CDK5RAP2: variants seen among roughly 807,000 people sequenced by gnomAD.
CDK5RAP2 encodes the protein CDK5 regulatory subunit associated protein 2.
A neutral mutation model predicts 232.9 loss-of-function variants in CDK5RAP2; 147 were observed. The observed-to-expected ratio is 0.63, with a 90% confidence interval of 0.55 to 0.72. The LOEUF is 0.72. CDK5RAP2 is among the 30% of genes least tolerant of loss of function. The pLI, the probability that CDK5RAP2 is intolerant of heterozygous loss-of-function variation, is 0.00. For missense variants in CDK5RAP2, 2,195 were observed against 2,231.5 expected (o/e 0.98, Z 0.33); for synonymous variants, 833 against 833.7 (o/e 1.00, Z 0.01).
At chr9:120,540,701 C>T (rs1015905029) in intron 5 of CDK5RAP2, among the ~76,000 whole-genome samples, 9 of 152,202 alleles carry the variant, frequency 5.9e-5, no homozygotes, top group Admixed American at 6.5e-5. Flanking sequence ...TACCTAGCCT[C>T]AGTAAATTAC....
At chr9:120,512,047 A>T (rs1026496565) in intron 12 of CDK5RAP2, among the ~76,000 whole-genome samples, 3 of 151,940 alleles carry the variant, frequency 2.0e-5, no homozygotes, top group Non-Finnish European at 4.4e-5. Context: ...CACAATGTGC[A>T]TTTTTATATA....
rs571910127 is a variant in CDK5RAP2 at position 120,476,464 on chromosome 9, G to A, written c.1727+886C>T. ...GGAGGCGGAGGTGGGTGGATCCTGA[G>A]GTCAGGAGATCAAGACCATCCTGGC... is the stretch of plus-strand genomic sequence containing the variant. On this transcript the variant is annotated intron_variant, in intron 15 of 37. Coordinates refer to ENST00000349780, the MANE Select transcript of CDK5RAP2 (RefSeq NM_018249.6). 5.3e-5 allele frequency among the ~76,000 whole-genome samples: 8 copies of A among 152,106 alleles called. No homozygotes were observed. In the South Asian group the frequency reaches 1.7e-3, roughly 32 times the overall value.
intron 35 of CDK5RAP2, 113 bp from the exon 36 acceptor site, chr9:120,394,751 T>C (rs1233518481): frequency 3.3e-6 from 3 of 912,156 alleles, no homozygotes; most frequent in South Asian, 2.9e-5. Context: ...GCAAAAATAT[T>C]TGAATGGAAA....
intron 28 of CDK5RAP2, among the ~76,000 whole-genome samples, chr9:120,414,301 C>T (rs1364662188): frequency 6.6e-6 from 1 of 152,104 alleles, no homozygotes; most frequent in Non-Finnish European, 1.5e-5. Context: ...GTCCACACTC[C>T]GGCCAGTTCA....
At chr9:120,579,080 T>C (rs1252802392) in intron 1 of CDK5RAP2, among the ~76,000 whole-genome samples, 1 of 152,220 alleles carries the variant, frequency 6.6e-6, no homozygotes, top group Non-Finnish European at 1.5e-5. Flanking sequence ...AGTTGCGCTC[T>C]GTTAGGCCTT....
chr9:120,458,520 C>T lies in CDK5RAP2; in HGVS notation c.2305G>A (p.Glu769Lys). 1 of 1,614,172 alleles carries T rather than the reference C, an allele frequency of 6.2e-7. No individual in the cohort carries two copies. Among genetic ancestry groups the T allele is most frequent in the Non-Finnish European group, 8.5e-7 (1 of 1,179,988 alleles). Residue 769 changes from glutamate (E) to lysine (K), a missense_variant, in exon 20 of 38, where the codon GAA (glutamate) becomes AAA (lysine). By Grantham distance (56) the Glu-to-Lys change is moderately conservative (BLOSUM62 1). Coordinates refer to ENST00000349780, the MANE Select transcript of CDK5RAP2 (RefSeq NM_018249.6). ...CDGAHAPGCL[E>K]EGAFINLLAP... ...AGCAGGTTTATGAATGCACCTTCTTCTAGGCAGCCAGGTGCGTGGGCCCCA... is the reference window on the plus strand; with the variant it reads ...AGCAGGTTTATGAATGCACCTTCTTTTAGGCAGCCAGGTGCGTGGGCCCCA...
chr9:120,520,640 C>T (rs932014988), intron 11 of CDK5RAP2, among the ~76,000 whole-genome samples: 2 of 151,260 alleles, frequency 1.3e-5, no homozygotes, highest in Non-Finnish European at 2.9e-5. Context: ...AAGACTCTGT[C>T]TCAAAAAATA....
chr9:120,406,389 G>C (rs2033440555), intron 32 of CDK5RAP2: 1 of 152,786 alleles, frequency 6.5e-6, no homozygotes, highest in Admixed American at 6.5e-5. Flanking sequence ...GCCACTTTGG[G>C]CAAGCCCCAT....
At chr9:120,421,644 T>C (rs912452704) in intron 26 of CDK5RAP2, among the ~76,000 whole-genome samples, 12 of 152,154 alleles carry the variant, frequency 7.9e-5, no homozygotes, top group Non-Finnish European at 1.5e-4. Flanking sequence ...CTTTAACAAC[T>C]AAATAAAGGA....
chr9:120,468,055 G>C, intron 17 of CDK5RAP2, 58 bp from the exon 18 acceptor site: 1 of 1,590,402 alleles, frequency 6.3e-7, no homozygotes, highest in Non-Finnish European at 8.6e-7. Flanking sequence ...CAGCTTCCCA[G>C]GGCCGCAGCC....
chr9:120,508,214 A>G (rs2039921390), intron 12 of CDK5RAP2, among the ~76,000 whole-genome samples: 1 of 152,036 alleles, frequency 6.6e-6, no homozygotes, highest in Non-Finnish European at 1.5e-5. Flanking sequence ...TTAATGAGGA[A>G]GAGATACTCT....
chr9:120,462,831 G>A (rs1388462962), intron 18 of CDK5RAP2, among the ~76,000 whole-genome samples: 1 of 152,166 alleles, frequency 6.6e-6, no homozygotes, highest in East Asian at 1.9e-4. Context: ...AGTGAACGCA[G>A]GCTTACAATT....
At chr9:120,491,619 C>T in intron 12 of CDK5RAP2, 142 bp from the exon 13 acceptor site, 1 of 597,644 alleles carries the variant, frequency 1.7e-6, no homozygotes, top group Non-Finnish European at 2.9e-6. Context: ...TTAAATCCTT[C>T]TCACTTAAAA....
chr9:120,408,197 G>A, intron 31 of CDK5RAP2, 150 bp downstream of exon 31: 3 of 879,490 alleles, frequency 3.4e-6, no homozygotes, highest in Non-Finnish European at 5.7e-6. Context: ...AAGAAGAGTG[G>A]GTCAAAGAGC....
chr9:120,543,881 C>G (rs2041738340), intron 5 of CDK5RAP2, among the ~76,000 whole-genome samples: 2 of 152,106 alleles, frequency 1.3e-5, no homozygotes, highest in African/African-American at 4.8e-5. Context: ...TATATTTACT[C>G]CCCTACCTAT....
intron 21 of CDK5RAP2, among the ~76,000 whole-genome samples, chr9:120,449,043 T>C (rs1227464415): frequency 6.6e-6 from 1 of 152,204 alleles, no homozygotes; most frequent in Admixed American, 6.5e-5. Flanking sequence ...TTTCCAGTTC[T>C]ATCAAGACAA....
At chr9:120,433,911 T>A (rs2035425735) in intron 25 of CDK5RAP2, among the ~76,000 whole-genome samples, 1 of 152,218 alleles carries the variant, frequency 6.6e-6, no homozygotes, top group African/African-American at 2.4e-5. Flanking sequence ...AAATATGTGT[T>A]ACGTGTCCAC....
chr9:120,527,989 T>C (rs531159677), intron 9 of CDK5RAP2, 64 bp from the exon 10 acceptor site: 479 of 1,588,374 alleles, frequency 3.0e-4, no homozygotes, highest in Admixed American at 1.5e-3. Context: ...ACCATAAATA[T>C]ATCTTTAAGA....
intron 20 of CDK5RAP2, among the ~76,000 whole-genome samples, chr9:120,457,984 TTTTTG>T (rs2036875650): frequency 6.6e-6 from 1 of 152,190 alleles, no homozygotes; most frequent in South Asian, 2.1e-4. Context: ...TGTTTCTCCT[TTTTTG>T]TTTTAAGGAA....
Sources: allele counts gnomAD v4.1 joint callset (sites outside exome capture counted in the v4.1 genomes callset), GRCh38; gene constraint gnomAD v4.1.1; transcripts MANE v1.5; gene names NCBI Gene and HGNC (gene_info 2026-07-23, HGNC 2026-07-21).